The following ATF1 variants were observed in gnomAD, a reference collection of about 807,000 sequenced individuals.
ATF1 encodes the protein cyclic AMP-dependent transcription factor ATF-1.
A neutral mutation model predicts 34.7 loss-of-function variants in ATF1; 16 were observed. The observed-to-expected ratio is 0.46, with a 90% CI of 0.31 to 0.70. The LOEUF (loss-of-function observed/expected upper bound fraction) is 0.70, where lower values mean the gene tolerates loss of function less well. Ranked by LOEUF, ATF1 falls within the 30% of genes least tolerant of loss-of-function variation. ATF1 has a pLI of 0.05. For synonymous variants in ATF1, 105 were observed against 113.1 expected (o/e 0.93, Z 0.46); for missense variants, 255 against 321.6 (o/e 0.79, Z 1.58).
At chr12:50,800,857 T>C (rs966772719) in intron 3 of ATF1, among the ~76,000 whole-genome samples, 11 of 152,126 alleles carry the variant, frequency 7.2e-5, no homozygotes, top group African/African-American at 2.4e-4. Context: ...CCCAGCACTT[T>C]GGGAGGCTGA....
intron 3 of ATF1, among the ~76,000 whole-genome samples, chr12:50,805,250 A>G (rs1046384560): frequency 3.7e-4 from 56 of 151,914 alleles, no homozygotes; most frequent in Admixed American, 1.3e-3. Context: ...TACTGGAATT[A>G]GAGTAGAATA....
At chr12:50,766,266 T>A (rs1940632608) in intron 1 of ATF1, among the ~76,000 whole-genome samples, 1 of 152,176 alleles carries the variant, frequency 6.6e-6, no homozygotes, top group Admixed American at 6.5e-5. Context: ...CCCCTCTTAA[T>A]AAAAGGCAAG....
rs182715903 is a variant in ATF1, at chr12:50,797,387, A to G, written c.194+1378A>G. On this transcript the variant is annotated intron_variant, in intron 3 of 6. Coordinates refer to ENST00000262053, the MANE Select transcript of ATF1 (RefSeq NM_005171.5). ...TAAAAGCTTCCAAGTGAAAAGACCA[A>G]TTACCTAGAAAGGAAGGACCAGTAA... 1.3e-3 allele frequency among the ~76,000 whole-genome samples: 199 copies of G among 152,364 alleles called. 1 individual carries two copies. Among genetic ancestry groups the G allele is most frequent in the African/African-American group, 4.4e-3 (183 of 41,584 alleles).
intron 1 of ATF1, among the ~76,000 whole-genome samples, chr12:50,772,946 G>T (rs865859367): frequency 9.2e-5 from 14 of 152,134 alleles, no homozygotes; most frequent in African/African-American, 3.4e-4. Flanking sequence ...AGGCCCCAGT[G>T]TGTGTTGTTC....
intron 1 of ATF1, among the ~76,000 whole-genome samples, chr12:50,766,604 C>T (rs1484403580): frequency 6.6e-6 from 1 of 151,848 alleles, no homozygotes; most frequent in Admixed American, 6.6e-5. Flanking sequence ...GCACTTCACC[C>T]ACTAACTCGT....
chr12:50,783,238 A>G (rs1941110570), intron 2 of ATF1, among the ~76,000 whole-genome samples: 4 of 151,848 alleles, frequency 2.6e-5, no homozygotes, highest in Non-Finnish European at 1.5e-5. Context: ...GAGAATGTCA[A>G]AAGGATTTGT....
chr12:50,799,153 G>A (rs1448004129), intron 3 of ATF1, among the ~76,000 whole-genome samples: 1 of 152,222 alleles, frequency 6.6e-6, no homozygotes, highest in Non-Finnish European at 1.5e-5. Flanking sequence ...GGGAGGCTGA[G>A]GTGGGAGGAC....
At chr12:50,799,485 A>T (rs1592191159) in intron 3 of ATF1, among the ~76,000 whole-genome samples, 1 of 152,214 alleles carries the variant, frequency 6.6e-6, no homozygotes. Flanking sequence ...ATTACTTGGT[A>T]TCAAAGAACA....
chr12:50,769,303 G>A (rs1053726465), intron 1 of ATF1, among the ~76,000 whole-genome samples: 10 of 152,106 alleles, frequency 6.6e-5, no homozygotes, highest in African/African-American at 2.2e-4. Flanking sequence ...TTAGGAGTTT[G>A]AGACCAGTCT....
At chr12:50,806,910 C>T (rs1397413299) in intron 3 of ATF1, among the ~76,000 whole-genome samples, 1 of 152,142 alleles carries the variant, frequency 6.6e-6, no homozygotes, top group Non-Finnish European at 1.5e-5. Flanking sequence ...CTCCATTGTG[C>T]TTCCTGTGGA....
intron 2 of ATF1, among the ~76,000 whole-genome samples, chr12:50,790,172 T>C (rs1941271075): frequency 6.6e-6 from 1 of 151,008 alleles, no homozygotes; most frequent in African/African-American, 2.4e-5. Context: ...ACTCTAGAGC[T>C]GGACTCTCAA....
chr12:50,783,713 C>A, intron 2 of ATF1, among the ~76,000 whole-genome samples: 1 of 151,678 alleles, frequency 6.6e-6, no homozygotes, highest in Middle Eastern at 3.4e-3. Context: ...ACTAAAAATA[C>A]AAAAATTAGC....
At chr12:50,773,528 C>G (rs1054250518) in intron 1 of ATF1, among the ~76,000 whole-genome samples, 1 of 135,396 alleles carries the variant, frequency 7.4e-6, no homozygotes, top group African/African-American at 2.7e-5. Context: ...TGGCTCACTA[C>G]AACCTCCGCC....
At chr12:50,808,116 GT>G (rs1468310203) in intron 3 of ATF1, among the ~76,000 whole-genome samples, 2 of 152,004 alleles carry the variant, frequency 1.3e-5, no homozygotes, top group Admixed American at 6.6e-5. Context: ...ATCCCCAATT[GT>G]CTTGAAAGAC....
intron 2 of ATF1, among the ~76,000 whole-genome samples, chr12:50,792,258 T>G (rs1941321580): frequency 1.3e-5 from 2 of 152,210 alleles, no homozygotes; most frequent in African/African-American, 4.8e-5. Context: ...CAGCCTCTGG[T>G]CAATAGAAGG....
intron 1 of ATF1, among the ~76,000 whole-genome samples, chr12:50,778,350 T>C (rs12815839): frequency 0.25 from 36,881 of 144,696 alleles, 5,327 homozygotes; most frequent in Non-Finnish European, 0.34. Context: ...CTCAGCCTCC[T>C]GAGTAGCTGG....
chr12:50,792,399 A>G (rs185340174), intron 2 of ATF1, among the ~76,000 whole-genome samples: 3 of 152,304 alleles, frequency 2.0e-5, no homozygotes, highest in East Asian at 3.9e-4. Context: ...TATTTGTTCT[A>G]TTGATGTCAT....
chr12:50,811,377 A>G (rs1941733671), intron 4 of ATF1, among the ~76,000 whole-genome samples: 1 of 152,188 alleles, frequency 6.6e-6, no homozygotes, highest in Non-Finnish European at 1.5e-5. Flanking sequence ...CTTAAGGGAA[A>G]GAACCTTTTG....
At chr12:50,769,279 T>C (rs1940714160) in intron 1 of ATF1, among the ~76,000 whole-genome samples, 2 of 152,132 alleles carry the variant, frequency 1.3e-5, no homozygotes, top group Non-Finnish European at 2.9e-5. Context: ...TCGAGGCAGA[T>C]GGATCACCTG....
Sources: allele counts gnomAD v4.1 joint callset (sites outside exome capture counted in the v4.1 genomes callset), GRCh38; gene constraint gnomAD v4.1.1; transcripts MANE v1.5; gene names NCBI Gene and HGNC (gene_info 2026-07-23, HGNC 2026-07-21).